The following NOL10 variants were observed in gnomAD, a reference collection of about 807,000 sequenced individuals.
NOL10 encodes the protein nucleolar protein 10, also known as H_NH0074G24.1.
A neutral mutation model predicts 103.5 loss-of-function variants in NOL10; 58 were observed. The observed-to-expected ratio is 0.56, with a 90% CI of 0.45 to 0.70. NOL10 has a LOEUF of 0.70. NOL10 is among the 30% of genes least tolerant of loss of function. The pLI, the probability that NOL10 is intolerant of heterozygous loss-of-function variation, is 0.00. For missense variants in NOL10, 763 were observed against 807.3 expected (o/e 0.95, Z 0.67); for synonymous variants, 287 against 282.5 (o/e 1.02, Z -0.16).
At chr2:10,622,906 C>A (rs550266056) in intron 13 of NOL10, among the ~76,000 whole-genome samples, 2 of 152,210 alleles carry the variant, frequency 1.3e-5, no homozygotes, top group East Asian at 3.9e-4. Flanking sequence ...ATCTATTCCA[C>A]CTTACCTCTG....
In NOL10 at chr2:10,682,081, GA is replaced by G. The variant is rs771642963; in HGVS notation, c.113-13del. ...TCTCCTACGGACATCTAAAAAGAGA[GA>G]AAAAAACAACTAGTTTAACTAACAT... On this transcript the variant is annotated splice_polypyrimidine_tract_variant and intron_variant, in intron 2 of 20. Transcript: ENST00000381685. The G allele has an allele frequency of 7.6e-6, 10 of 1,322,882 alleles. No homozygotes were observed. The highest frequency in any genetic ancestry group is 7.5e-5 in the African/African-American group (5 of 66,488). The allele number at this position is 1,322,882 out of a possible 1,614,324, so 81.9% of individuals were successfully genotyped here. A position where few individuals can be genotyped will look rare whatever the true frequency, so the allele number is the denominator to read the frequency against.
intron 8 of NOL10, 136 bp downstream of exon 8, chr2:10,667,082 T>C: frequency 4.9e-6 from 3 of 611,878 alleles, no homozygotes; most frequent in Non-Finnish European, 8.7e-6. Context: ...ATTTACTGAA[T>C]GTTACTCTAC....
intron 16 of NOL10, among the ~76,000 whole-genome samples, chr2:10,601,341 G>T (rs1359956151): frequency 6.6e-6 from 1 of 152,190 alleles, no homozygotes; most frequent in Non-Finnish European, 1.5e-5. Flanking sequence ...TGGGATTACA[G>T]GCATGAGCCA....
intron 6 of NOL10, among the ~76,000 whole-genome samples, chr2:10,669,913 G>A (rs920719559): frequency 6.1e-5 from 9 of 147,076 alleles, no homozygotes; most frequent in Non-Finnish European, 7.4e-5. Flanking sequence ...TAATAATAAT[G>A]ATAATAATAA....
At chr2:10,680,521 A>G (rs1221034767) in intron 3 of NOL10, among the ~76,000 whole-genome samples, 2 of 152,252 alleles carry the variant, frequency 1.3e-5, no homozygotes, top group Non-Finnish European at 2.9e-5. Flanking sequence ...GTGAGCCTAG[A>G]CAAGTCACTT....
intron 18 of NOL10, 89 bp downstream of exon 18, chr2:10,589,489 C>G: frequency 8.2e-7 from 1 of 1,214,280 alleles, no homozygotes; most frequent in Non-Finnish European, 1.1e-6. Flanking sequence ...AATTACATCT[C>G]AAGTATAATC....
chr2:10,663,143 G>A, intron 8 of NOL10, 99 bp from the exon 9 acceptor site: 1 of 865,204 alleles, frequency 1.2e-6, no homozygotes, highest in Non-Finnish European at 1.9e-6. Context: ...GAGGCGGGCT[G>A]ATCACCTGAA....
At chr2:10,611,520 A>C (rs1305496527) in intron 13 of NOL10, among the ~76,000 whole-genome samples, 1 of 152,250 alleles carries the variant, frequency 6.6e-6, no homozygotes, top group Non-Finnish European at 1.5e-5. Flanking sequence ...GCAATGGCTC[A>C]CGCCTAATCT....
At chr2:10,577,762 C>A in intron 19 of NOL10, 24 bp from the exon 20 acceptor site, 2 of 1,423,884 alleles carry the variant, frequency 1.4e-6, no homozygotes, top group Non-Finnish European at 9.8e-7. Context: ...AAAAGAATGC[C>A]ACATTAATCA....
At chr2:10,606,043 T>C (rs1327068532) in intron 14 of NOL10, among the ~76,000 whole-genome samples, 2 of 152,310 alleles carry the variant, frequency 1.3e-5, no homozygotes, top group Admixed American at 6.5e-5. Context: ...ACTTCTGCTG[T>C]AGCCCTCTGA....
Position 10,656,112 on chromosome 2 carries a change from T to A in NOL10, c.907-1565A>T, listed in dbSNP as rs1451366379. Among the ~76,000 whole-genome samples, 3 of 152,242 alleles carry A rather than the reference T, an allele frequency of 2.0e-5. No individual in the cohort carries two copies. In the East Asian group the frequency reaches 5.8e-4, roughly 29 times the overall value. On this transcript the variant is annotated intron_variant, in intron 11 of 20. Transcript: ENST00000381685. ...ATACATCCAGATTGCTAACAGTCTT[T>A]CCCTTTGGTTGGATGAAAGCCAGGT...
chr2:10,684,401 T>C (rs1001164273), intron 2 of NOL10, among the ~76,000 whole-genome samples, 166 bp downstream of exon 2: 1 of 151,860 alleles, frequency 6.6e-6, no homozygotes, highest in Admixed American at 6.6e-5. Flanking sequence ...GGCAACACAG[T>C]GAGACCCCAT....
In NOL10 at chr2:10,570,941, C is replaced by CT. The variant is rs1335320336; in HGVS notation, c.*1129dup. ...GGTTGGGTATCCCTTATCTGAAATG[C>CT]TTGGGACCAGAAGTCTTTTAGACTT... On this transcript the variant is annotated 3_prime_UTR_variant, in exon 21 of 21. Coordinates refer to ENST00000381685, the MANE Select transcript of NOL10 (RefSeq NM_024894.4). 6.6e-6 allele frequency: 1 copy of CT among 151,376 alleles called. No individual in the cohort carries two copies. The highest frequency in any genetic ancestry group is 1.9e-4 in the East Asian group (1 of 5,172). The allele number at this position is 151,376 out of a possible 1,614,324, so 9.4% of individuals were successfully genotyped here. A position where few individuals can be genotyped will look rare whatever the true frequency, so the allele number is the denominator to read the frequency against.
chr2:10,584,048 A>G (rs906832788), intron 19 of NOL10, among the ~76,000 whole-genome samples: 2 of 152,148 alleles, frequency 1.3e-5, no homozygotes, highest in Admixed American at 6.5e-5. Context: ...CTCTGGCTGT[A>G]GGAAGGCACC....
intron 1 of NOL10, among the ~76,000 whole-genome samples, chr2:10,689,402 T>A (rs551365823): frequency 6.6e-6 from 1 of 152,268 alleles, no homozygotes; most frequent in East Asian, 1.9e-4. Flanking sequence ...TGGCAAATGA[T>A]AGGGACTCCA....
At chr2:10,585,208 G>C (rs62128635) in intron 19 of NOL10, among the ~76,000 whole-genome samples, 41,506 of 152,100 alleles carry the variant, frequency 0.27, 7,125 homozygotes, top group Non-Finnish European at 0.38. Context: ...GCAGTAAATA[G>C]AGCAAGACAA....
At chr2:10,631,960 C>T (rs575654685) in intron 13 of NOL10, among the ~76,000 whole-genome samples, 26 of 152,240 alleles carry the variant, frequency 1.7e-4, no homozygotes, top group Middle Eastern at 6.8e-3. Flanking sequence ...GTGATTTGCC[C>T]GCCTCGGCCT....
chr2:10,631,686 T>A (rs904082723), intron 13 of NOL10, among the ~76,000 whole-genome samples: 1 of 151,522 alleles, frequency 6.6e-6, no homozygotes, highest in African/African-American at 2.4e-5. Flanking sequence ...ATGAAAATTA[T>A]ACTCTGGCAC....
intron 18 of NOL10, 25 bp downstream of exon 18, chr2:10,589,553 T>C: frequency 6.7e-7 from 1 of 1,503,104 alleles, no homozygotes; most frequent in Non-Finnish European, 8.9e-7. Context: ...CAGTAGCAAA[T>C]TCTAACTGAT....
Sources: allele counts gnomAD v4.1 joint callset (sites outside exome capture counted in the v4.1 genomes callset), GRCh38; gene constraint gnomAD v4.1.1; transcripts MANE v1.5; gene names NCBI Gene and HGNC (gene_info 2026-07-23, HGNC 2026-07-21).